The following POU2F3 variants were observed in gnomAD, a reference collection of about 807,000 sequenced individuals.
POU2F3 encodes the protein POU domain, class 2, transcription factor 3.
In POU2F3, 23 loss-of-function variants were observed where a neutral mutation model predicts 59.2. That is an observed-to-expected ratio of 0.39 (90% CI 0.28 to 0.55). The LOEUF is 0.55. Among genes scored for constraint, POU2F3 ranks in the 20% least tolerant of loss-of-function variants. The pLI is 0.66. For synonymous variants in POU2F3, 190 were observed against 214.6 expected, an observed-to-expected ratio of 0.89 and a Z score of 1.00; for missense variants, 473 against 544.5, an observed-to-expected ratio of 0.87 and a Z score of 1.31.
intron 2 of POU2F3, chr11:120,258,951 A>C (rs1219110552): frequency 6.6e-6 from 1 of 152,204 alleles, no homozygotes; most frequent in Admixed American, 6.5e-5. Flanking sequence ...TGTATTTCCT[A>C]ACGAACAAAG....
chr11:120,240,348 T>C lies in POU2F3; in HGVS notation c.5T>C (p.Val2Ala). The C allele has an allele frequency of 1.4e-6, 2 of 1,413,246 alleles. No homozygotes were observed. The highest frequency in any genetic ancestry group is 9.3e-7 in the Non-Finnish European group (1 of 1,072,442). The allele number at this position is 1,413,246 out of a possible 1,614,324, so 87.5% of individuals were successfully genotyped here. The change falls in exon 1 of 13, where the codon GTG (valine) becomes GCG (alanine). Residue 2 changes from valine (V) to alanine (A), a missense_variant. By Grantham distance (64) the Val-to-Ala change is moderately conservative. Coordinates refer to ENST00000543440, the MANE Select transcript of POU2F3 (RefSeq NM_014352.4). M[V>A]NLESMHTDIK... The stretch of plus-strand genomic sequence containing the variant: ...TTTGGCCCCGCCTGGGGCAGGATGG[T>C]GAATCTGGAGTCCATGCACACAGGT...
At chr11:120,278,737 ACT>A (rs1940438239) in intron 3 of POU2F3, among the ~76,000 whole-genome samples, 1 of 152,006 alleles carries the variant, frequency 6.6e-6, no homozygotes, top group Non-Finnish European at 1.5e-5. Flanking sequence ...AGATTAAATA[ACT>A]CTCCATGGAC....
intron 1 of POU2F3, among the ~76,000 whole-genome samples, chr11:120,245,225 G>A (rs1010541247): frequency 2.6e-5 from 4 of 152,040 alleles, no homozygotes; most frequent in African/African-American, 9.7e-5. Context: ...TGTACACCTC[G>A]GCCGGAGCCA....
At chr11:120,253,432 G>A (rs961143850) in intron 2 of POU2F3, among the ~76,000 whole-genome samples, 11 of 152,150 alleles carry the variant, frequency 7.2e-5, no homozygotes, top group Admixed American at 2.6e-4. Context: ...GCTAATTTTT[G>A]TATTTTTAGT....
At position 120,246,536 on chromosome 11, in the gene POU2F3, C is replaced by A. The variant is rs535016892; in HGVS notation, c.97+19C>A. 4 of 1,561,482 alleles carry A rather than the reference C, an allele frequency of 2.6e-6. No individual in the cohort carries two copies. In the South Asian group the frequency reaches 4.5e-5, roughly 18 times the overall value. ...GAGCCAGGTAAGGGTCTTCTCTTCT[C>A]GGGGATGGAGGGGGTGGGGGGAAGA... On this transcript the variant is annotated intron_variant, in intron 2 of 12. Coordinates refer to ENST00000543440, the MANE Select transcript of POU2F3 (RefSeq NM_014352.4).
intron 2 of POU2F3, among the ~76,000 whole-genome samples, chr11:120,263,804 C>G (rs945668656): frequency 1.3e-5 from 2 of 152,196 alleles, no homozygotes; most frequent in Non-Finnish European, 2.9e-5. Flanking sequence ...AGCCATCTTC[C>G]AAAGACGGAG....
At chr11:120,246,896 C>T (rs1004976882) in intron 2 of POU2F3, among the ~76,000 whole-genome samples, 7 of 152,206 alleles carry the variant, frequency 4.6e-5, no homozygotes, top group Admixed American at 3.9e-4. Context: ...ACTCAAGGCA[C>T]TAACCAAAGA....
At chr11:120,276,849 C>T (rs192765447) in intron 3 of POU2F3, among the ~76,000 whole-genome samples, 1 of 152,038 alleles carries the variant, frequency 6.6e-6, no homozygotes, top group Admixed American at 6.5e-5. Context: ...AGAAAACAGA[C>T]CTGAAAGCAC....
intron 2 of POU2F3, among the ~76,000 whole-genome samples, chr11:120,253,099 T>C (rs1247845945): frequency 1.3e-5 from 2 of 152,026 alleles, no homozygotes. Context: ...GGAGGACCAG[T>C]GTTTATATTT....
intron 10 of POU2F3, among the ~76,000 whole-genome samples, chr11:120,313,830 G>A (rs767038569): frequency 6.6e-6 from 1 of 152,066 alleles, no homozygotes; most frequent in Non-Finnish European, 1.5e-5. Context: ...CCTGGCCGAC[G>A]TGGCAAAACC....
chr11:120,309,515 C>A lies in POU2F3; in HGVS notation c.997C>A (p.Arg333Ser), dbSNP rs1200266769. The change falls in exon 10 of 13, where the codon CGC becomes AGC. Residue 333 changes from arginine (R) to serine (S), a missense_variant. Transcript: ENST00000543440. ...GGTGAGGGTCTGGTTCTGCAACCGACGCCAAAAGGAGAAGCGAATCAACTG... is the reference window on the plus strand; with the variant it reads ...GGTGAGGGTCTGGTTCTGCAACCGAAGCCAAAAGGAGAAGCGAATCAACTG... Reference protein sequence around the residue: ...EVVRVWFCNRRQKEKRINCPV... With the variant: ...EVVRVWFCNRSQKEKRINCPV... 6.2e-7 allele frequency: 1 copy of A among 1,613,934 alleles called. No homozygotes were observed. Among genetic ancestry groups the A allele is most frequent in the Non-Finnish European group, 8.5e-7 (1 of 1,179,996 alleles).
At chr11:120,292,580 C>T (rs1375624108) in intron 3 of POU2F3, among the ~76,000 whole-genome samples, 1 of 152,186 alleles carries the variant, frequency 6.6e-6, no homozygotes, top group African/African-American at 2.4e-5. Context: ...GTACTTTTCC[C>T]TAGTCAAAGA....
intron 1 of POU2F3, among the ~76,000 whole-genome samples, chr11:120,241,849 G>A (rs1164171215): frequency 2.0e-5 from 3 of 152,098 alleles, no homozygotes; most frequent in Non-Finnish European, 2.9e-5. Context: ...GCAGCCTGGG[G>A]CCTCAGAGGA....
chr11:120,252,092 C>T lies in POU2F3; in HGVS notation c.97+5575C>T, dbSNP rs201202894. On this transcript the variant is annotated intron_variant, in intron 2 of 12. Transcript: ENST00000543440. Reference sequence around the variant, plus strand: ...TACAGGCGTGAGCCACCGCGCCTGGCCTTGGCTGCCTATTCCTACAGGATG... The same window carrying T: ...TACAGGCGTGAGCCACCGCGCCTGGTCTTGGCTGCCTATTCCTACAGGATG... Among the ~76,000 whole-genome samples the T allele has an allele frequency of 9.9e-5, 15 of 151,918 alleles. No homozygotes were observed. In the East Asian group the frequency reaches 2.9e-3, roughly 29 times the overall value.
chr11:120,264,190 TACACACACACACACAC>T (rs35186745), intron 2 of POU2F3, among the ~76,000 whole-genome samples: 13 of 133,126 alleles, frequency 9.8e-5, no homozygotes, highest in South Asian at 2.5e-4. Context: ...TAAGACCTCA[TACACACACACACACAC>T]ACACACACAC....
Position 120,246,436 on chromosome 11 carries a change from GT to G in POU2F3, c.29-9del. The stretch of plus-strand genomic sequence containing the variant: ...GTGACCTGTTATTAAAATCAGTTGT[GT>G]TTTCCCTGCAGATATCAAGATGAGT... On this transcript the variant is annotated splice_polypyrimidine_tract_variant and intron_variant, in intron 1 of 12. Transcript: ENST00000543440. 1 of 1,613,602 alleles carries G rather than the reference GT, an allele frequency of 6.2e-7. No individual in the cohort carries two copies. Among genetic ancestry groups the G allele is most frequent in the East Asian group, 2.2e-5 (1 of 44,860 alleles).
chr11:120,277,591 C>T (rs1229020469), intron 3 of POU2F3, among the ~76,000 whole-genome samples: 6 of 151,864 alleles, frequency 4.0e-5, no homozygotes, highest in Non-Finnish European at 7.4e-5. Context: ...GCCTGGCCAA[C>T]GTGGTAAAAC....
chr11:120,268,010 A>G lies in POU2F3; in HGVS notation c.98-1200A>G, dbSNP rs989779345. On this transcript the variant is annotated intron_variant, in intron 2 of 12. Transcript: ENST00000543440. ...CTATTCACATAGCAAAAGAGTGAAA[A>G]TGACTCTGCTAACAATAGGTATAAG... Among the ~76,000 whole-genome samples, 4 of 152,186 alleles carry G rather than the reference A, an allele frequency of 2.6e-5. No homozygotes were observed. In the East Asian group the frequency reaches 7.8e-4, roughly 30 times the overall value.
At chr11:120,274,356 C>G (rs572973364) in intron 3 of POU2F3, among the ~76,000 whole-genome samples, 74 of 152,284 alleles carry the variant, frequency 4.9e-4, no homozygotes, top group African/African-American at 1.6e-3. Context: ...AGACAAGTAT[C>G]TTGAACATAT....
Sources: allele counts gnomAD v4.1 joint callset (sites outside exome capture counted in the v4.1 genomes callset), GRCh38; gene constraint gnomAD v4.1.1; transcripts MANE v1.5; gene names NCBI Gene and HGNC (gene_info 2026-07-23, HGNC 2026-07-21).